LNPEP: variants seen among roughly 807,000 people sequenced by gnomAD.
LNPEP encodes the protein leucyl and cystinyl aminopeptidase.
LNPEP carries 64 observed loss-of-function variants against 120.6 expected under a neutral mutation model. That is an observed-to-expected ratio of 0.53 (90% CI 0.43 to 0.65). The LOEUF (loss-of-function observed/expected upper bound fraction) is 0.65, where lower values mean the gene tolerates loss of function less well. Among genes scored for constraint, LNPEP ranks in the 30% least tolerant of loss-of-function variants. The pLI, the probability that LNPEP is intolerant of heterozygous loss-of-function variation, is 0.00. For synonymous variants in LNPEP, 435 were observed against 425.4 expected (o/e 1.02, Z -0.28); for missense variants, 1,057 against 1,200.0 (o/e 0.88, Z 1.76).
chr5:97,019,147 T>G (rs1339379519), intron 13 of LNPEP, among the ~76,000 whole-genome samples: 1 of 152,204 alleles, frequency 6.6e-6, no homozygotes. Context: ...ATTTTTAAAA[T>G]AATTTTATAT....
chr5:96,998,821 T>A (rs1561446975), intron 8 of LNPEP, among the ~76,000 whole-genome samples: 2 of 152,182 alleles, frequency 1.3e-5, no homozygotes, highest in African/African-American at 4.8e-5. Flanking sequence ...AGGTAATATG[T>A]GCTGAGTGGG....
At chr5:97,003,857 T>G (rs1790714762) in intron 9 of LNPEP, among the ~76,000 whole-genome samples, 1 of 152,076 alleles carries the variant, frequency 6.6e-6, no homozygotes, top group Admixed American at 6.6e-5. Context: ...TTAATGAATA[T>G]TACTATATTT....
At chr5:96,948,735 C>CTT (rs1367678860) in intron 1 of LNPEP, among the ~76,000 whole-genome samples, 1 of 152,210 alleles carries the variant, frequency 6.6e-6, no homozygotes, top group Non-Finnish European at 1.5e-5. Context: ...AACCATCATA[C>CTT]TTTGAGAATT....
chr5:97,013,604 A>T, intron 11 of LNPEP, 44 bp from the exon 12 acceptor site: 1 of 1,163,242 alleles, frequency 8.6e-7, no homozygotes, highest in Non-Finnish European at 1.2e-6. Flanking sequence ...TTTCTTGTCC[A>T]ATTGTCTTCT....
Position 97,022,311 on chromosome 5 carries a change from T to C in LNPEP, c.2388T>C (p.Phe796=), listed in dbSNP as rs1298922221. 2 of 1,598,670 alleles carry C rather than the reference T, an allele frequency of 1.3e-6. No homozygotes were observed. ...DLASRLVTRV[F]KLLQNQIQQQ... is the part of the protein sequence containing the mutation. Reference sequence around the variant, plus strand: ...TTTTGTCTCTCTAGACTAGGGTATTTAAATTACTTCAAAACCAAATTCAAC... The same window carrying C: ...TTTTGTCTCTCTAGACTAGGGTATTCAAATTACTTCAAAACCAAATTCAAC... The change falls in exon 14 of 18, where the codon TTT becomes TTC. Residue 796 remains phenylalanine (F), a synonymous_variant. Transcript: ENST00000231368.
chr5:96,978,782 A>G (rs1220383766), intron 1 of LNPEP, among the ~76,000 whole-genome samples: 1 of 152,198 alleles, frequency 6.6e-6, no homozygotes, highest in Non-Finnish European at 1.5e-5. Context: ...ACATAGTCAG[A>G]GGAATGCCAA....
chr5:97,012,175 A>G (rs559713816), intron 11 of LNPEP, among the ~76,000 whole-genome samples: 2 of 152,332 alleles, frequency 1.3e-5, no homozygotes, highest in Middle Eastern at 6.8e-3. Flanking sequence ...ATATTTGAAC[A>G]CTGCTTATGA....
chr5:97,001,135 A>G (rs961010179), intron 8 of LNPEP, among the ~76,000 whole-genome samples: 1 of 152,238 alleles, frequency 6.6e-6, no homozygotes, highest in Admixed American at 6.5e-5. Context: ...CTAGTCTTCA[A>G]CAGTACATGG....
chr5:97,022,636 CTTTT>C, intron 14 of LNPEP, 152 bp downstream of exon 14: 1 of 525,764 alleles, frequency 1.9e-6, no homozygotes, highest in Non-Finnish European at 3.3e-6. Flanking sequence ...TCAAACAAGA[CTTTT>C]TTTTTTTTTA....
chr5:96,985,012 A>G (rs1245519138), intron 2 of LNPEP, 68 bp from the exon 3 acceptor site: 1 of 1,522,490 alleles, frequency 6.6e-7, no homozygotes. Flanking sequence ...TTATCTTAGT[A>G]TACTTGGCAG....
At chr5:96,944,240 T>C (rs1055734736) in intron 1 of LNPEP, among the ~76,000 whole-genome samples, 7 of 152,218 alleles carry the variant, frequency 4.6e-5, no homozygotes, top group African/African-American at 1.7e-4. Flanking sequence ...GAAACATCAT[T>C]ACATTGTCAA....
intron 9 of LNPEP, 79 bp from the exon 10 acceptor site, chr5:97,005,994 A>G (rs1184614326): frequency 1.4e-5 from 5 of 365,650 alleles, no homozygotes; most frequent in Non-Finnish European, 2.2e-5. Context: ...GGGTACAGAT[A>G]AATTAAAATG....
At chr5:97,024,801 C>A in intron 15 of LNPEP, 119 bp downstream of exon 15, 1 of 853,488 alleles carries the variant, frequency 1.2e-6, no homozygotes, top group Non-Finnish European at 1.8e-6. Context: ...CAGGCCAGGC[C>A]TAAGTTGGAC....
chr5:96,947,839 T>C, intron 1 of LNPEP, among the ~76,000 whole-genome samples: 1 of 152,192 alleles, frequency 6.6e-6, no homozygotes, highest in East Asian at 1.9e-4. Context: ...AGATGAGTGC[T>C]TTGGGTTTAA....
At chr5:96,964,418 CCTT>C (rs1333486843) in intron 1 of LNPEP, among the ~76,000 whole-genome samples, 5 of 151,996 alleles carry the variant, frequency 3.3e-5, no homozygotes, top group African/African-American at 1.2e-4. Context: ...GACCAGTTAA[CCTT>C]CTTATTTTCA....
At chr5:96,941,860 G>A (rs1000226992) in intron 1 of LNPEP, among the ~76,000 whole-genome samples, 2 of 152,344 alleles carry the variant, frequency 1.3e-5, no homozygotes. Context: ...GAAATGTGGA[G>A]ATTGGGGGTA....
chr5:96,985,280 A>G, intron 3 of LNPEP, 62 bp downstream of exon 3: 1 of 1,402,082 alleles, frequency 7.1e-7, no homozygotes, highest in Non-Finnish European at 9.8e-7. Flanking sequence ...AAGAACACTT[A>G]AATTCCTCTT....
chr5:97,021,646 G>GAAA (rs760521804), intron 13 of LNPEP, among the ~76,000 whole-genome samples: 3 of 152,088 alleles, frequency 2.0e-5, no homozygotes, highest in Non-Finnish European at 4.4e-5. Context: ...TTTTTGGCAG[G>GAAA]AAAATAACTT....
At chr5:96,964,169 T>C (rs997799110) in intron 1 of LNPEP, among the ~76,000 whole-genome samples, 6 of 151,994 alleles carry the variant, frequency 3.9e-5, no homozygotes, top group African/African-American at 1.4e-4. Context: ...TTTGTCTTTC[T>C]GTGTCTGACT....
Sources: gnomAD v4.1 joint callset for allele counts (sites outside exome capture counted in the v4.1 genomes callset) on GRCh38, gnomAD v4.1.1 for gene constraint, MANE v1.5 for transcripts, NCBI Gene and HGNC (gene_info 2026-07-23, HGNC 2026-07-21) for gene names.